SEC14L3: variants seen among roughly 807,000 people sequenced by gnomAD.
SEC14L3 encodes the protein SEC14 like lipid binding 3.
Under a neutral mutation model 57.4 loss-of-function variants are expected in SEC14L3, and 56 were observed. The ratio of observed to expected loss-of-function variants is 0.97; its 90% CI spans 0.79 to 1.22. The LOEUF is 1.22. SEC14L3 is among the 50% of genes most tolerant of loss of function. The probability of loss-of-function intolerance (pLI) is 0.00; values close to 1 mark genes in which losing one functional copy is unlikely to be tolerated. For synonymous variants in SEC14L3, 173 were observed against 194.4 expected, an observed-to-expected ratio of 0.89 and a Z score of 0.92; for missense variants, 485 against 511.7, an observed-to-expected ratio of 0.95 and a Z score of 0.50.
At chr22:30,459,151 G>T, downstream of SEC14L3, 1 of 528,444 alleles carries the variant, frequency 1.9e-6, no homozygotes, top group Non-Finnish European at 2.4e-6. Context: ...AGGGCCTTGG[G>T]GATGGCATGA....
downstream of SEC14L3, among the ~76,000 whole-genome samples, chr22:30,455,191 T>C (rs1190271344): frequency 2.4e-5 from 3 of 122,588 alleles, no homozygotes; most frequent in Non-Finnish European, 4.8e-5. Context: ...ATATTTAATA[T>C]ATAATATAAA....
chr22:30,465,971 C>A (rs935156656), intron 7 of SEC14L3, among the ~76,000 whole-genome samples: 2 of 152,200 alleles, frequency 1.3e-5, no homozygotes, highest in African/African-American at 2.4e-5. Flanking sequence ...AAAACTCAGC[C>A]AGTAAAGCAG....
chr22:30,453,326 T>C (rs1569224553), intron 12 of SEC14L3, among the ~76,000 whole-genome samples: 1 of 152,222 alleles, frequency 6.6e-6, no homozygotes, highest in Non-Finnish European at 1.5e-5. Flanking sequence ...GGAATGGAAG[T>C]AGGAGAATTT....
downstream of SEC14L3, among the ~76,000 whole-genome samples, chr22:30,455,007 G>A (rs1210797471): frequency 7.6e-5 from 5 of 66,222 alleles, no homozygotes; most frequent in African/African-American, 1.4e-4. Flanking sequence ...TATAATAGAT[G>A]TATAATATAT....
rs1935182877 is a variant in SEC14L3, at chr22:30,459,465, CA to C, written c.*555del. ...CTGGAGACTGAATTGTCTGGGTCTCCAGAAGAGAGTCCAACCCCACCACACA... is the reference window on the plus strand; with the variant it reads ...CTGGAGACTGAATTGTCTGGGTCTCCGAAGAGAGTCCAACCCCACCACACA... On this transcript the variant is annotated 3_prime_UTR_variant, in exon 12 of 12. Transcript: ENST00000215812. 1.9e-5 allele frequency: 19 copies of C among 985,382 alleles called. No individual in the cohort carries two copies. The highest frequency in any genetic ancestry group is 2.2e-5 in the Non-Finnish European group (18 of 830,000). The allele number at this position is 985,382 out of a possible 1,614,324, so 61.0% of individuals were successfully genotyped here.
At chr22:30,451,991 C>CAAAAAAAAAAAAAAAAAAAAAAAAAAAA (rs34799395) in intron 12 of SEC14L3, among the ~76,000 whole-genome samples, 6 of 33,816 alleles carry the variant, frequency 1.8e-4, no homozygotes, top group Non-Finnish European at 1.9e-4. Context: ...GACTCCATCT[C>CAAAAAAAAAAAAAAAAAAAAAAAAAAAA]AAAAAAAAAA....
chr22:30,462,723 C>T (rs1289254214), intron 8 of SEC14L3, among the ~76,000 whole-genome samples: 3 of 148,772 alleles, frequency 2.0e-5, no homozygotes, highest in African/African-American at 7.5e-5. Flanking sequence ...ATCACCATGC[C>T]CAGCCTATGG....
At chr22:30,455,232 AATATTTAATATATT>A (rs1255248302), downstream of SEC14L3, among the ~76,000 whole-genome samples, 7 of 124,570 alleles carry the variant, frequency 5.6e-5, no homozygotes, top group East Asian at 1.0e-3. Flanking sequence ...TATAATATAT[AATATTTAATATATT>A]ATATATAATA....
chr22:30,471,751 C>A (rs1419171465), intron 1 of SEC14L3, among the ~76,000 whole-genome samples, 154 bp downstream of exon 1: 1 of 152,214 alleles, frequency 6.6e-6, no homozygotes. Flanking sequence ...TGTTACTGGG[C>A]ACCGTGGGGC....
chr22:30,459,783 T>C lies in SEC14L3; in HGVS notation c.*238A>G. ...TTTATTGAGTTTCATGACACCCACT[T>C]CTTGCCTTTACCCTTGCTTTTTCCT... On this transcript the variant is annotated 3_prime_UTR_variant, in exon 12 of 12. Transcript: ENST00000215812. 1 of 1,199,278 alleles carries C rather than the reference T, an allele frequency of 8.3e-7. No individual in the cohort carries two copies. Among genetic ancestry groups the C allele is most frequent in the Non-Finnish European group, 1.0e-6 (1 of 960,800 alleles). The allele number at this position is 1,199,278 out of a possible 1,614,324, so 74.3% of individuals were successfully genotyped here. A position where few individuals can be genotyped will look rare whatever the true frequency, so the allele number is the denominator to read the frequency against.
At chr22:30,471,348 G>A (rs943623142) in intron 1 of SEC14L3, 1 of 447,230 alleles carries the variant, frequency 2.2e-6, no homozygotes, top group East Asian at 7.0e-5. Context: ...ATTGGAGTTT[G>A]GATGCATTCT....
chr22:30,450,181 C>A (rs1166390877), intron 12 of SEC14L3, among the ~76,000 whole-genome samples: 1 of 152,130 alleles, frequency 6.6e-6, no homozygotes, highest in African/African-American at 2.4e-5. Flanking sequence ...GTTGAGGTAG[C>A]GGGGGCATGG....
chr22:30,452,840 A>G (rs895338441), intron 12 of SEC14L3, among the ~76,000 whole-genome samples: 1 of 151,362 alleles, frequency 6.6e-6, no homozygotes, highest in Non-Finnish European at 1.5e-5. Flanking sequence ...CAGCCTCCTG[A>G]GTAGCTGGGA....
At chr22:30,450,715 T>G (rs1934965167) in intron 12 of SEC14L3, among the ~76,000 whole-genome samples, 1 of 152,180 alleles carries the variant, frequency 6.6e-6, no homozygotes, top group Admixed American at 6.5e-5. Context: ...CTGAAAGGCA[T>G]GCTGTGTGAG....
intron 9 of SEC14L3, 147 bp downstream of exon 9, chr22:30,461,939 G>T: frequency 9.9e-7 from 1 of 1,014,966 alleles, no homozygotes; most frequent in Non-Finnish European, 1.5e-6. Flanking sequence ...GCTGCTGAGA[G>T]CTCTGTAAGG....
chr22:30,459,677 C>A lies in SEC14L3; in HGVS notation c.*344G>T. The A allele has an allele frequency of 9.8e-7, 1 of 1,022,406 alleles. No homozygotes were observed. Among genetic ancestry groups the A allele is most frequent in the Non-Finnish European group, 1.2e-6 (1 of 851,630 alleles). 63.3% of individuals were successfully genotyped at this position (1,022,406 alleles called of 1,614,324 possible). A position where few individuals can be genotyped will look rare whatever the true frequency, so the allele number is the denominator to read the frequency against. On this transcript the variant is annotated 3_prime_UTR_variant, in exon 12 of 12. Transcript: ENST00000215812. ...AGATATGTCTCCAACCCAAGTTGCT[C>A]ACAGCCATACGGAAGGAATTCAAGC...
chr22:30,462,050 T>G, intron 9 of SEC14L3, 36 bp downstream of exon 9: 1 of 1,601,160 alleles, frequency 6.2e-7, no homozygotes, highest in South Asian at 1.1e-5. Context: ...GCTTAATTCT[T>G]GAACCTCTCT....
At chr22:30,454,757 A>T (rs1935061658), downstream of SEC14L3, among the ~76,000 whole-genome samples, 3 of 79,010 alleles carry the variant, frequency 3.8e-5, no homozygotes, top group African/African-American at 1.7e-4. Flanking sequence ...ATTATATATA[A>T]TATATAATAT....
chr22:30,459,194 G>T, downstream of SEC14L3: 1 of 864,136 alleles, frequency 1.2e-6, no homozygotes, highest in Non-Finnish European at 1.4e-6. Context: ...AAAGCTCTTG[G>T]CACAGTTTCT....
Sources: allele counts gnomAD v4.1 joint callset (sites outside exome capture counted in the v4.1 genomes callset), GRCh38; gene constraint gnomAD v4.1.1; transcripts MANE v1.5; gene names NCBI Gene and HGNC (gene_info 2026-07-23, HGNC 2026-07-21).